COL25A1: variants seen among roughly 807,000 people sequenced by gnomAD.
COL25A1 encodes the protein collagen alpha-1(XXV) chain.
A neutral mutation model predicts 128.4 loss-of-function variants in COL25A1; 103 were observed. The observed-to-expected ratio is 0.80, with a 90% CI of 0.68 to 0.94. COL25A1 has a LOEUF of 0.94. Among genes scored for constraint, COL25A1 ranks in the 40% least tolerant of loss-of-function variants. The probability of loss-of-function intolerance (pLI) is 0.00; values close to 1 mark genes in which losing one functional copy is unlikely to be tolerated. For missense variants in COL25A1, 745 were observed against 840.0 expected, an observed-to-expected ratio of 0.89 and a Z score of 1.40; for synonymous variants, 279 against 277.2, an observed-to-expected ratio of 1.01 and a Z score of -0.06.
At chr4:109,109,788 A>G (rs984804690) in intron 3 of COL25A1, among the ~76,000 whole-genome samples, 3 of 152,192 alleles carry the variant, frequency 2.0e-5, no homozygotes, top group Non-Finnish European at 4.4e-5. Flanking sequence ...CTACATCCAC[A>G]TGTGAGCAGT....
intron 3 of COL25A1, among the ~76,000 whole-genome samples, chr4:109,270,687 C>G (rs192791379): frequency 5.9e-5 from 9 of 152,148 alleles, no homozygotes; most frequent in Non-Finnish European, 8.8e-5. Context: ...GTGACACTAA[C>G]AGTATATGGA....
chr4:108,896,087 A>G (rs1175007275), intron 16 of COL25A1, among the ~76,000 whole-genome samples: 1 of 151,646 alleles, frequency 6.6e-6, no homozygotes, highest in African/African-American at 2.4e-5. Context: ...CTGGGACTAC[A>G]GGCACCAACC....
chr4:109,208,407 CA>C (rs1224969984), intron 3 of COL25A1, among the ~76,000 whole-genome samples: 1 of 151,722 alleles, frequency 6.6e-6, no homozygotes, highest in Non-Finnish European at 1.5e-5. Flanking sequence ...ATGCAGCCTC[CA>C]CCTCACTCTG....
At chr4:108,901,685 A>G (rs1436346953) in intron 13 of COL25A1, among the ~76,000 whole-genome samples, 1 of 152,152 alleles carries the variant, frequency 6.6e-6, no homozygotes, top group East Asian at 1.9e-4. Flanking sequence ...AACACTAAAA[A>G]CAGATTTGGT....
intron 3 of COL25A1, among the ~76,000 whole-genome samples, chr4:109,255,710 A>G (rs979339): frequency 0.31 from 46,751 of 152,074 alleles, 7,368 homozygotes; most frequent in Middle Eastern, 0.38. Context: ...AAATGAAAAT[A>G]GCAACAACAA....
At chr4:108,848,863 TA>T in intron 26 of COL25A1, 60 bp from the exon 27 acceptor site, 3 of 1,290,950 alleles carry the variant, frequency 2.3e-6, no homozygotes, top group Non-Finnish European at 2.2e-6. Context: ...CTGCACTACA[TA>T]AAAAAACGAT....
intron 2 of COL25A1, among the ~76,000 whole-genome samples, chr4:109,300,907 C>A (rs1196106261): frequency 2.6e-5 from 4 of 152,152 alleles, no homozygotes; most frequent in Non-Finnish European, 5.9e-5. Context: ...CCACTCTCTC[C>A]CTCAGCTCAA....
chr4:109,167,214 C>G (rs1773154092), intron 3 of COL25A1, among the ~76,000 whole-genome samples: 1 of 152,098 alleles, frequency 6.6e-6, no homozygotes, highest in Non-Finnish European at 1.5e-5. Context: ...ACCAGAAGTA[C>G]ATTTTATAAA....
intron 16 of COL25A1, among the ~76,000 whole-genome samples, chr4:108,895,764 T>G (rs1742043869): frequency 6.6e-6 from 1 of 151,976 alleles, no homozygotes; most frequent in Non-Finnish European, 1.5e-5. Context: ...ACAGGTGGTG[T>G]TTGGTTAATG....
Position 108,823,875 on chromosome 4 carries a change from A to AT in COL25A1, c.1845+298dup, listed in dbSNP as rs199515292. The AT allele has an allele frequency of 3.4e-3, 4,549 of 1,340,700 alleles. 55 individuals are homozygous for AT. The highest frequency in any genetic ancestry group is 0.033 in the African/African-American group (2,175 of 66,066). The allele number at this position is 1,340,700 out of a possible 1,614,324, so 83.1% of individuals were successfully genotyped here. On this transcript the variant is annotated intron_variant, in intron 35 of 37. Transcript: ENST00000399132. The stretch of plus-strand genomic sequence containing the variant: ...TCATTTAATTTTACTTTTTAAAATG[A>AT]TTTTTTTTTCAAAAATCCTTTATTT...
chr4:108,969,854 G>A (rs960045734), intron 8 of COL25A1, among the ~76,000 whole-genome samples: 2 of 150,774 alleles, frequency 1.3e-5, no homozygotes, highest in Admixed American at 6.6e-5. Flanking sequence ...CCTGCTTTCA[G>A]TCTCTTCCAA....
intron 33 of COL25A1, among the ~76,000 whole-genome samples, chr4:108,826,524 C>A (rs1197317023): frequency 6.6e-6 from 1 of 151,954 alleles, no homozygotes; most frequent in Non-Finnish European, 1.5e-5. Flanking sequence ...GGCAAAAGAG[C>A]AAGACTCCAT....
chr4:109,020,223 T>C (rs181233514), intron 5 of COL25A1, among the ~76,000 whole-genome samples: 15 of 152,310 alleles, frequency 9.8e-5, no homozygotes, highest in African/African-American at 3.4e-4. Flanking sequence ...TTGACTGAGA[T>C]AAACATTATT....
At chr4:109,273,648 C>T (rs765793350) in intron 3 of COL25A1, among the ~76,000 whole-genome samples, 1 of 152,066 alleles carries the variant, frequency 6.6e-6, no homozygotes, top group Non-Finnish European at 1.5e-5. Context: ...GTACTAAAGA[C>T]CACCTTTCTC....
rs146329012 is a variant in COL25A1 at position 109,120,534 on chromosome 4, T to A, written c.368-70355A>T. Among the ~76,000 whole-genome samples, 701 of 152,116 alleles carry A rather than the reference T, an allele frequency of 4.6e-3. 6 individuals carry two copies. The highest frequency in any genetic ancestry group is 0.015 in the African/African-American group (638 of 41,530). ...ATTGAAAACACATTACCAAGCCAGGTGTGGTGGCTCATACCTGTAATCCCA... is the reference window on the plus strand; with the variant it reads ...ATTGAAAACACATTACCAAGCCAGGAGTGGTGGCTCATACCTGTAATCCCA... On this transcript the variant is annotated intron_variant, in intron 3 of 37. Transcript: ENST00000399132.
At chr4:109,081,038 T>C (rs1205623060) in intron 3 of COL25A1, among the ~76,000 whole-genome samples, 1 of 152,246 alleles carries the variant, frequency 6.6e-6, no homozygotes, top group African/African-American at 2.4e-5. Flanking sequence ...GTCACATTGC[T>C]GGCGAGTAGG....
intron 3 of COL25A1, among the ~76,000 whole-genome samples, chr4:109,141,406 G>A (rs956235139): frequency 3.9e-5 from 6 of 152,120 alleles, no homozygotes; most frequent in Non-Finnish European, 8.8e-5. Flanking sequence ...TTTTTTGTGT[G>A]TGTCTCTGCC....
intron 3 of COL25A1, among the ~76,000 whole-genome samples, chr4:109,077,844 C>T (rs1438200558): frequency 1.3e-5 from 2 of 152,196 alleles, no homozygotes; most frequent in Non-Finnish European, 1.5e-5. Context: ...TCATTTATAA[C>T]TCTGACAAGG....
intron 3 of COL25A1, among the ~76,000 whole-genome samples, chr4:109,170,656 A>G (rs559932847): frequency 1.8e-4 from 27 of 152,308 alleles, no homozygotes; most frequent in African/African-American, 5.8e-4. Flanking sequence ...GAAGGAATAG[A>G]AGGAGAAATA....
Sources: allele counts gnomAD v4.1 joint callset (sites outside exome capture counted in the v4.1 genomes callset), GRCh38; gene constraint gnomAD v4.1.1; transcripts MANE v1.5; gene names NCBI Gene and HGNC (gene_info 2026-07-23, HGNC 2026-07-21).